The following SMOC2 variants were observed in gnomAD, a reference collection of about 807,000 sequenced individuals.
SMOC2 encodes SPARC-related modular calcium-binding protein 2.
In SMOC2, 39 loss-of-function variants were observed where a neutral mutation model predicts 61.4. The observed-to-expected ratio is 0.64, with a 90% CI of 0.49 to 0.83. The LOEUF is 0.83. SMOC2 is among the 40% of genes least tolerant of loss of function. The pLI is 0.00. For missense variants in SMOC2, 556 were observed against 592.9 expected (o/e 0.94, Z 0.65); for synonymous variants, 247 against 239.9 (o/e 1.03, Z -0.27).
At chr6:168,531,419 C>A (rs760966473) in intron 4 of SMOC2, among the ~76,000 whole-genome samples, 2 of 152,232 alleles carry the variant, frequency 1.3e-5, no homozygotes, top group Non-Finnish European at 2.9e-5. Context: ...ATTCTCCCCA[C>A]ATGTACACAT....
chr6:168,523,079 A>ATTCTTTTTTTTTTTTTTTTTTTTTTT lies in SMOC2; in HGVS notation c.257-3265_257-3264insCTTTTTTTTTTTTTTTTTTTTTTTTT, dbSNP rs551183247. 2.1e-5 allele frequency among the ~76,000 whole-genome samples: 2 copies of ATTCTTTTTTTTTTTTTTTTTTTTTTT among 93,664 alleles called. 1 individual carries two copies. The allele number at this position is 93,664 out of a possible 152,430, so 61.4% of individuals were successfully genotyped here. A position where few individuals can be genotyped will look rare whatever the true frequency, so the allele number is the denominator to read the frequency against. The stretch of plus-strand genomic sequence containing the variant: ...TTATGTTATTTGTAGTTGTACAGTA[A>ATTCTTTTTTTTTTTTTTTTTTTTTTT]TTTTTTTTTTTTTTTTTTTTGAGAC... On this transcript the variant is annotated intron_variant, in intron 2 of 12. Coordinates refer to ENST00000356284, the MANE Select transcript of SMOC2 (RefSeq NM_001166412.2).
intron 9 of SMOC2, among the ~76,000 whole-genome samples, chr6:168,618,033 A>G (rs1786140047): frequency 6.6e-6 from 1 of 152,174 alleles, no homozygotes; most frequent in Non-Finnish European, 1.5e-5. Context: ...TAACCCACCC[A>G]TTTATTTCCC....
intron 7 of SMOC2, among the ~76,000 whole-genome samples, chr6:168,555,800 A>G (rs1377601767): frequency 1.3e-5 from 2 of 151,958 alleles, no homozygotes; most frequent in African/African-American, 4.8e-5. Context: ...GTCGAGCTTG[A>G]TCCTCTACGC....
intron 1 of SMOC2, among the ~76,000 whole-genome samples, chr6:168,447,045 C>T (rs577753402): frequency 5.9e-5 from 9 of 152,230 alleles, no homozygotes; most frequent in African/African-American, 9.6e-5. Flanking sequence ...GCCCACTTTA[C>T]GGTCTTCTTC....
intron 2 of SMOC2, among the ~76,000 whole-genome samples, chr6:168,518,915 G>C (rs989874789): frequency 2.0e-5 from 3 of 150,594 alleles, no homozygotes; most frequent in Non-Finnish European, 4.4e-5. Flanking sequence ...ATGTGTGAGT[G>C]AGCATGAGTG....
rs570157209 is a variant in SMOC2, at chr6:168,506,320, G to A, written c.85-3595G>A. Among the ~76,000 whole-genome samples the A allele has an allele frequency of 1.4e-4, 21 of 152,290 alleles. No individual in the cohort carries two copies. The South Asian group carries it at 4.1e-3, about 30-fold the overall frequency. On this transcript the variant is annotated intron_variant, in intron 1 of 12. Coordinates refer to ENST00000356284, the MANE Select transcript of SMOC2 (RefSeq NM_001166412.2). ...CAAAGCTCTGGGGTTATAGGTGTGAGCCACTGCACCTGGCCTTGCAAATCT... is the reference window on the plus strand; with the variant it reads ...CAAAGCTCTGGGGTTATAGGTGTGAACCACTGCACCTGGCCTTGCAAATCT...
chr6:168,592,284 ATCG>A (rs1359707180), intron 7 of SMOC2, among the ~76,000 whole-genome samples: 2 of 148,338 alleles, frequency 1.3e-5, no homozygotes, highest in Non-Finnish European at 3.0e-5. Context: ...TTTCTAGAGG[ATCG>A]TGGAGCTCCT....
chr6:168,662,370 G>A (rs1006262687), intron 11 of SMOC2, among the ~76,000 whole-genome samples: 1 of 152,188 alleles, frequency 6.6e-6, no homozygotes, highest in African/African-American at 2.4e-5. Context: ...GCCCTGCAAG[G>A]TGCGAGTGAG....
intron 1 of SMOC2, among the ~76,000 whole-genome samples, chr6:168,500,134 C>T (rs1444077922): frequency 6.6e-6 from 1 of 151,628 alleles, no homozygotes; most frequent in African/African-American, 2.4e-5. Context: ...TCCCAAAATA[C>T]AAAAATTAGC....
At chr6:168,522,744 A>C (rs1261621527) in intron 2 of SMOC2, among the ~76,000 whole-genome samples, 1 of 152,200 alleles carries the variant, frequency 6.6e-6, no homozygotes, top group Non-Finnish European at 1.5e-5. Flanking sequence ...TGGTGTAGAC[A>C]TACATCAGCA....
At chr6:168,485,393 T>G (rs1040400767) in intron 1 of SMOC2, among the ~76,000 whole-genome samples, 1 of 152,198 alleles carries the variant, frequency 6.6e-6, no homozygotes, top group African/African-American at 2.4e-5. Flanking sequence ...GCAACATTAT[T>G]CATAACAGCC....
chr6:168,461,918 T>C (rs1158987486), intron 1 of SMOC2, among the ~76,000 whole-genome samples: 1 of 152,232 alleles, frequency 6.6e-6, no homozygotes, highest in African/African-American at 2.4e-5. Flanking sequence ...ATCACTAGGC[T>C]CACGTGGCAA....
At chr6:168,590,772 C>T (rs919416401) in intron 7 of SMOC2, among the ~76,000 whole-genome samples, 6 of 151,990 alleles carry the variant, frequency 3.9e-5, no homozygotes, top group Admixed American at 2.0e-4. Context: ...TTTTAATGTT[C>T]ATAAATGTCT....
chr6:168,564,204 A>G (rs1260760657), intron 7 of SMOC2, among the ~76,000 whole-genome samples: 3 of 152,132 alleles, frequency 2.0e-5, no homozygotes, highest in Non-Finnish European at 4.4e-5. Context: ...TTCTAGATAC[A>G]AGTCCTTACC....
intron 2 of SMOC2, among the ~76,000 whole-genome samples, chr6:168,511,469 A>AC (rs1783007494): frequency 1.3e-5 from 2 of 152,260 alleles, no homozygotes; most frequent in East Asian, 3.9e-4. Flanking sequence ...AAGAGAAGCC[A>AC]CCCCCATGAT....
intron 4 of SMOC2, among the ~76,000 whole-genome samples, chr6:168,541,656 A>G (rs1283787238): frequency 6.6e-6 from 1 of 152,214 alleles, no homozygotes; most frequent in Non-Finnish European, 1.5e-5. Context: ...AAGTCAATGC[A>G]CTATCAGGAT....
intron 1 of SMOC2, among the ~76,000 whole-genome samples, chr6:168,502,357 G>A (rs1782750689): frequency 6.6e-6 from 1 of 152,208 alleles, no homozygotes; most frequent in Non-Finnish European, 1.5e-5. Context: ...TGGTCACTTT[G>A]CTCTTCTGCC....
chr6:168,485,801 A>G (rs1782318828), intron 1 of SMOC2, among the ~76,000 whole-genome samples: 1 of 152,182 alleles, frequency 6.6e-6, no homozygotes, highest in Non-Finnish European at 1.5e-5. Context: ...GAATTGTACA[A>G]TTTGAATGGA....
chr6:168,611,961 A>G (rs1785882905), intron 9 of SMOC2, among the ~76,000 whole-genome samples: 1 of 152,116 alleles, frequency 6.6e-6, no homozygotes, highest in Non-Finnish European at 1.5e-5. Context: ...CCCGTGCCTC[A>G]CAGGGTCCCT....
Sources: gnomAD v4.1 joint callset for allele counts (sites outside exome capture counted in the v4.1 genomes callset) on GRCh38, gnomAD v4.1.1 for gene constraint, MANE v1.5 for transcripts, NCBI Gene and HGNC (gene_info 2026-07-23, HGNC 2026-07-21) for gene names.